The following MAPK10 variants were observed in gnomAD, a reference collection of about 807,000 sequenced individuals.
The protein encoded by MAPK10 is mitogen-activated protein kinase 10.
A neutral mutation model predicts 59.3 loss-of-function variants in MAPK10; 25 were observed. The observed-to-expected ratio is 0.42, with a 90% confidence interval of 0.31 to 0.59. MAPK10 has a LOEUF of 0.59. MAPK10 is among the 20% of genes least tolerant of loss of function. The probability of loss-of-function intolerance (pLI) is 0.15; values close to 1 mark genes in which losing one functional copy is unlikely to be tolerated. For synonymous variants in MAPK10, 190 were observed against 200.5 expected, an observed-to-expected ratio of 0.95 and a Z score of 0.44; for missense variants, 351 against 568.9, an observed-to-expected ratio of 0.62 and a Z score of 3.90.
intron 9 of MAPK10, chr4:86,090,647 G>GA (rs1396821784): frequency 6.6e-6 from 1 of 151,876 alleles, no homozygotes; most frequent in African/African-American, 2.4e-5. Context: ...TTTGATTAAA[G>GA]AAAAAAACGG....
In MAPK10 at chr4:86,010,677, T is replaced by G. The variant is rs2148881383; in HGVS notation, c.*6551A>C. On this transcript the variant is annotated 3_prime_UTR_variant, in exon 14 of 14. Transcript: ENST00000641462. ...AAAAGAAATACTTTAATATTATGAA[T>G]TCTCTTGGTCTGTGTAAAATATTAT... The G allele has an allele frequency of 6.6e-6, 1 of 152,344 alleles. No homozygotes were observed. Among genetic ancestry groups the G allele is most frequent in the East Asian group, 1.9e-4 (1 of 5,192 alleles). 9.4% of individuals were successfully genotyped at this position (152,344 alleles called of 1,614,324 possible).
At chr4:86,274,985 A>G (rs1340379134) in intron 2 of MAPK10, among the ~76,000 whole-genome samples, 1 of 152,164 alleles carries the variant, frequency 6.6e-6, no homozygotes, top group East Asian at 1.9e-4. Context: ...AAGGCTTTAC[A>G]TATACAAGCA....
At chr4:86,252,294 T>C (rs2093482562) in intron 2 of MAPK10, among the ~76,000 whole-genome samples, 1 of 125,118 alleles carries the variant, frequency 8.0e-6, no homozygotes, top group Non-Finnish European at 1.6e-5. Flanking sequence ...TCTAGGGTTT[T>C]TATGGTTTTA....
At chr4:86,558,542 C>T (rs758472453) in intron 1 of MAPK10, among the ~76,000 whole-genome samples, 2 of 152,092 alleles carry the variant, frequency 1.3e-5, no homozygotes, top group South Asian at 2.1e-4. Context: ...AGCTTCAAAA[C>T]GGCTCACAGA....
chr4:86,130,883 T>G (rs2060882884), intron 4 of MAPK10, among the ~76,000 whole-genome samples: 1 of 152,126 alleles, frequency 6.6e-6, no homozygotes, highest in African/African-American at 2.4e-5. Flanking sequence ...CTGTTGGTAT[T>G]AAATTTAGAA....
At chr4:86,118,118 A>G (rs2058574532) in intron 4 of MAPK10, among the ~76,000 whole-genome samples, 2 of 152,048 alleles carry the variant, frequency 1.3e-5, no homozygotes, top group South Asian at 4.2e-4. Context: ...TCTGCCATGA[A>G]CCTTGGCTGA....
intron 1 of MAPK10, among the ~76,000 whole-genome samples, chr4:86,527,304 ACT>A (rs1289246940): frequency 3.1e-5 from 4 of 129,666 alleles, no homozygotes; most frequent in African/African-American, 1.3e-4. Context: ...AGAGTGAGAC[ACT>A]GTTGCCAAAA....
chr4:86,335,776 G>A (rs1281107982), intron 2 of MAPK10, among the ~76,000 whole-genome samples: 1 of 152,206 alleles, frequency 6.6e-6, no homozygotes, highest in East Asian at 1.9e-4. Context: ...GGCGGCAAGA[G>A]AGAGAAGTGT....
At chr4:86,102,623 C>A (rs1177499151) in intron 6 of MAPK10, among the ~76,000 whole-genome samples, 1 of 152,138 alleles carries the variant, frequency 6.6e-6, no homozygotes, top group Non-Finnish European at 1.5e-5. Flanking sequence ...CGGGTTCAAG[C>A]AATTCTCCTG....
chr4:86,117,758 C>G (rs1008032439), intron 4 of MAPK10: 1 of 152,106 alleles, frequency 6.6e-6, no homozygotes, highest in Non-Finnish European at 1.5e-5. Context: ...TCTTCCAAAG[C>G]AATAATTCAT....
In MAPK10 at chr4:86,381,361, C is replaced by T. The variant is rs138132463; in HGVS notation, c.-121-26717G>A. On this transcript the variant is annotated intron_variant, in intron 1 of 13. Transcript: ENST00000361569. Reference sequence around the variant, plus strand: ...GCTCCATCAACCCTAATCCAAACCACCATCAGGCTCTCCACAGACTGCTGC... The same window carrying T: ...GCTCCATCAACCCTAATCCAAACCATCATCAGGCTCTCCACAGACTGCTGC... Among the ~76,000 whole-genome samples, 1,387 of 152,270 alleles carry T rather than the reference C, an allele frequency of 9.1e-3. 12 individuals are homozygous for T. Among genetic ancestry groups the T allele is most frequent in the Non-Finnish European group, 0.015 (1,044 of 68,012 alleles).
At chr4:86,396,605 T>C (rs752031725) in intron 1 of MAPK10, among the ~76,000 whole-genome samples, 3 of 152,220 alleles carry the variant, frequency 2.0e-5, no homozygotes, top group Non-Finnish European at 2.9e-5. Flanking sequence ...AAAAGAGATT[T>C]AATTGGCTCA....
In MAPK10 at chr4:86,504,536, C is replaced by G. The variant is rs138777069; in HGVS notation, c.-263+89374G>C. ...AGTTTACTATTATGTAGGAACCTAC[C>G]AATTTTTTCTTATTAACAAGGGGTG... is the stretch of plus-strand genomic sequence containing the variant. On this transcript the variant is annotated intron_variant, in intron 1 of 4. Transcript: ENST00000502302. Among the ~76,000 whole-genome samples the G allele has an allele frequency of 3.7e-3, 567 of 152,156 alleles. 3 individuals carry two copies. Among genetic ancestry groups the G allele is most frequent in the African/African-American group, 0.013 (544 of 41,532 alleles).
At chr4:86,161,138 A>G (rs1397027520) in intron 3 of MAPK10, among the ~76,000 whole-genome samples, 1 of 152,066 alleles carries the variant, frequency 6.6e-6, no homozygotes, top group African/African-American at 2.4e-5. Flanking sequence ...GGCAGCATTC[A>G]TTGCAAATGC....
At chr4:86,453,888 G>A (rs1751002391), upstream of MAPK10, among the ~76,000 whole-genome samples, 1 of 152,126 alleles carries the variant, frequency 6.6e-6, no homozygotes. Context: ...TCCACTGGAG[G>A]AAGTACTGGT....
At chr4:86,503,111 T>G (rs778332632) in intron 1 of MAPK10, among the ~76,000 whole-genome samples, 44 of 152,266 alleles carry the variant, frequency 2.9e-4, no homozygotes, top group Admixed American at 2.2e-3. Flanking sequence ...TTCAAAGCCA[T>G]GTCATCCAAA....
chr4:86,439,258 C>A (rs532873892), intron 1 of MAPK10, among the ~76,000 whole-genome samples: 80 of 152,198 alleles, frequency 5.3e-4, no homozygotes, highest in African/African-American at 1.9e-3. Context: ...CATGGTGCAC[C>A]TTTAAAGTCA....
intron 2 of MAPK10, among the ~76,000 whole-genome samples, chr4:86,259,118 C>CT (rs2093880449): frequency 6.6e-6 from 1 of 152,052 alleles, no homozygotes; most frequent in Non-Finnish European, 1.5e-5. Context: ...TCTCAGTCTC[C>CT]TTTGCAACTC....
rs150520248 is a variant in MAPK10, at chr4:86,519,260, C to T, written c.-263+74650G>A. On this transcript the variant is annotated intron_variant, in intron 1 of 4. Coordinates refer to the MAPK10 transcript ENST00000502302. ...GTGTTGGCATCTATCTTATTTCTTACGTCTAGTAGTAATTGTTTTATAAAC... is the reference window on the plus strand; with the variant it reads ...GTGTTGGCATCTATCTTATTTCTTATGTCTAGTAGTAATTGTTTTATAAAC... 3.4e-3 allele frequency among the ~76,000 whole-genome samples: 514 copies of T among 152,206 alleles called. 1 individual carries two copies. The highest frequency in any genetic ancestry group is 0.012 in the African/African-American group (494 of 41,552).
Sources: gnomAD v4.1 joint callset for allele counts (sites outside exome capture counted in the v4.1 genomes callset) on GRCh38, gnomAD v4.1.1 for gene constraint, MANE v1.5 for transcripts, NCBI Gene and HGNC (gene_info 2026-07-23, HGNC 2026-07-21) for gene names.